Variants in UGGT2 observed in about 807,000 individuals in gnomAD.
UGGT2 encodes UDP-glucose glycoprotein glucosyltransferase 2, also known as UDP-glucose:glycoprotein glucosyltransferase 2.
UGGT2 carries 180 observed loss-of-function variants against 192.1 expected under a neutral mutation model. The ratio of observed to expected loss-of-function variants is 0.94; its 90% confidence interval spans 0.83 to 1.06. UGGT2 has a LOEUF of 1.06. UGGT2 is among the 50% of genes least tolerant of loss of function. The pLI is 0.00. For synonymous variants in UGGT2, 580 were observed against 591.0 expected (o/e 0.98, Z 0.27); for missense variants, 1,849 against 1,795.7 (o/e 1.03, Z -0.54).
chr13:95,848,070 T>G (rs1345010455), intron 36 of UGGT2, among the ~76,000 whole-genome samples: 1 of 152,238 alleles, frequency 6.6e-6, no homozygotes, highest in Non-Finnish European at 1.5e-5. Context: ...GTGGAGCATC[T>G]GCTCATATGC....
chr13:95,991,795 T>C (rs2051466658), intron 7 of UGGT2, among the ~76,000 whole-genome samples: 1 of 152,192 alleles, frequency 6.6e-6, no homozygotes, highest in African/African-American at 2.4e-5. Flanking sequence ...TTTATATAAT[T>C]TAGGCAACAT....
intron 20 of UGGT2, among the ~76,000 whole-genome samples, chr13:95,907,186 G>A (rs116863857): frequency 0.026 from 3,892 of 152,348 alleles, 60 homozygotes; most frequent in Non-Finnish European, 0.034. Context: ...TGAACTGCAA[G>A]CTGGCAGCCT....
intron 17 of UGGT2, among the ~76,000 whole-genome samples, chr13:95,927,987 G>A (rs1021205396): frequency 9.2e-5 from 14 of 152,160 alleles, no homozygotes; most frequent in Non-Finnish European, 1.5e-4. Flanking sequence ...TGGGGGTAAG[G>A]TTATAGATTA....
At chr13:95,820,314 A>G (rs1029850241) in intron 38 of UGGT2, among the ~76,000 whole-genome samples, 2 of 152,160 alleles carry the variant, frequency 1.3e-5, no homozygotes, top group African/African-American at 4.8e-5. Flanking sequence ...ATTAATTTCC[A>G]CAGAAGAAGC....
chr13:95,919,023 A>AG (rs1262811300), intron 20 of UGGT2, among the ~76,000 whole-genome samples: 1 of 152,298 alleles, frequency 6.6e-6, no homozygotes, highest in Non-Finnish European at 1.5e-5. Flanking sequence ...CTTATCCATC[A>AG]GATCAAGTTG....
intron 20 of UGGT2, among the ~76,000 whole-genome samples, chr13:95,922,383 C>G (rs755083243): frequency 3.9e-5 from 6 of 152,168 alleles, no homozygotes; most frequent in Non-Finnish European, 8.8e-5. Flanking sequence ...AGAACAGAAT[C>G]ATTAGAAGCT....
chr13:95,970,094 A>T lies in UGGT2; in HGVS notation c.1335+18T>A, dbSNP rs1164772654. On this transcript the variant is annotated intron_variant, in intron 12 of 38. Coordinates refer to ENST00000376747, the MANE Select transcript of UGGT2 (RefSeq NM_020121.4). ...GTATACTACAGGTTTTAGAACAAGG[A>T]ATAGCATAAGCACTTACCATTATAG... The T allele has an allele frequency of 6.3e-7, 1 of 1,592,840 alleles. No individual in the cohort carries two copies. The highest frequency in any genetic ancestry group is 1.1e-5 in the South Asian group (1 of 89,496).
chr13:95,884,069 A>AAG (rs1346415246), intron 27 of UGGT2, among the ~76,000 whole-genome samples: 1 of 144,818 alleles, frequency 6.9e-6, no homozygotes, highest in Admixed American at 7.0e-5. Flanking sequence ...TGAGGCCAAA[A>AAG]AAAAAAAAAA....
rs3052314 is a variant in UGGT2, at chr13:95,834,217, T to TTGTG, written c.4402-1168_4402-1165dup. ...TTTAGCTATTTGTACTACATTGGGT[T>TTGTG]TGTGTGTGTGTGTGTGTGTATGTGT... On this transcript the variant is annotated intron_variant, in intron 37 of 38. Coordinates refer to ENST00000376747, the MANE Select transcript of UGGT2 (RefSeq NM_020121.4). Among the ~76,000 whole-genome samples, 507 of 150,962 alleles carry TTGTG rather than the reference T, an allele frequency of 3.4e-3. 3 individuals carry two copies. Among genetic ancestry groups the TTGTG allele is most frequent in the African/African-American group, 0.012 (478 of 41,080 alleles).
chr13:96,023,769 G>T lies in UGGT2; in HGVS notation c.242-10C>A. ...TAAGAATAATCTGATTCTATAAAAA[G>T]AAGTCAAAAGAAAATAAATGTTAGC... On this transcript the variant is annotated splice_polypyrimidine_tract_variant and intron_variant, in intron 2 of 38. Coordinates refer to ENST00000376747, the MANE Select transcript of UGGT2 (RefSeq NM_020121.4). The T allele has an allele frequency of 1.3e-6, 2 of 1,573,670 alleles. No homozygotes were observed. Among genetic ancestry groups the T allele is most frequent in the East Asian group, 4.5e-5 (2 of 44,072 alleles).
chr13:96,008,167 C>G (rs950136607), intron 5 of UGGT2, among the ~76,000 whole-genome samples: 3 of 152,070 alleles, frequency 2.0e-5, no homozygotes, highest in African/African-American at 7.2e-5. Context: ...ACAGGCAACA[C>G]AATTAAAAAT....
At chr13:95,937,728 G>A (rs750970289) in intron 16 of UGGT2, among the ~76,000 whole-genome samples, 1 of 152,132 alleles carries the variant, frequency 6.6e-6, no homozygotes, top group African/African-American at 2.4e-5. Flanking sequence ...TCTTCTTTTA[G>A]GGAGTCATAC....
At chr13:96,051,484 A>T (rs574652926) in intron 1 of UGGT2, among the ~76,000 whole-genome samples, 1 of 152,256 alleles carries the variant, frequency 6.6e-6, no homozygotes, top group East Asian at 1.9e-4. Context: ...AATAAAAAAA[A>T]TAGCTGGGAC....
chr13:95,994,768 T>C (rs186878295), intron 7 of UGGT2, among the ~76,000 whole-genome samples: 5 of 152,046 alleles, frequency 3.3e-5, no homozygotes, highest in Admixed American at 1.3e-4. Flanking sequence ...TAGCACCATA[T>C]AGTGCAAATG....
At chr13:95,836,423 A>C (rs1259618967) in intron 37 of UGGT2, among the ~76,000 whole-genome samples, 1 of 152,180 alleles carries the variant, frequency 6.6e-6, no homozygotes, top group Non-Finnish European at 1.5e-5. Context: ...CTATTCTTAG[A>C]AAGACCTGCT....
At chr13:95,985,272 C>T (rs370366897) in intron 9 of UGGT2, 35 of 1,281,286 alleles carry the variant, frequency 2.7e-5, no homozygotes, top group African/African-American at 2.6e-4. Flanking sequence ...ATATAAATGA[C>T]GACTTCTCAA....
At chr13:95,823,330 TTCTGTCTC>T (rs1885687914) in intron 38 of UGGT2, among the ~76,000 whole-genome samples, 2 of 152,084 alleles carry the variant, frequency 1.3e-5, no homozygotes, top group Non-Finnish European at 2.9e-5. Context: ...TTTGTTGGCT[TTCTGTCTC>T]AATCTATTTA....
rs142906222 is a variant in UGGT2, at chr13:95,963,251, T to C, written c.1335+6861A>G. Among the ~76,000 whole-genome samples, 436 of 151,926 alleles carry C rather than the reference T, an allele frequency of 2.9e-3. 4 individuals are homozygous for C. The highest frequency in any genetic ancestry group is 8.1e-3 in the South Asian group (39 of 4,790). ...CCAGAGATGCAAGGATAGTTCAACA[T>C]ACACAAATCAATAAATGTGATACAT... On this transcript the variant is annotated intron_variant, in intron 12 of 38. Transcript: ENST00000376747.
At chr13:95,927,608 A>G (rs373575898) in intron 17 of UGGT2, among the ~76,000 whole-genome samples, 15 of 152,014 alleles carry the variant, frequency 9.9e-5, no homozygotes, top group African/African-American at 3.1e-4. Context: ...GACAATTCTC[A>G]TTAATTAACT....
Sources: allele counts gnomAD v4.1 joint callset (sites outside exome capture counted in the v4.1 genomes callset), GRCh38; gene constraint gnomAD v4.1.1; transcripts MANE v1.5; gene names NCBI Gene and HGNC (gene_info 2026-07-23, HGNC 2026-07-21).